The following ITGAE variants were observed in gnomAD, a reference collection of about 807,000 sequenced individuals.
The protein encoded by ITGAE is integrin subunit alpha E.
In ITGAE, 99 loss-of-function variants were observed where a neutral mutation model predicts 136.5. The observed-to-expected ratio is 0.73, with a 90% CI of 0.62 to 0.86. ITGAE has a LOEUF of 0.86. Among genes scored for constraint, ITGAE ranks in the 40% least tolerant of loss-of-function variants. The pLI, the probability that ITGAE is intolerant of heterozygous loss-of-function variation, is 0.00. For missense variants in ITGAE, 1,447 were observed against 1,515.3 expected, an observed-to-expected ratio of 0.95 and a Z score of 0.75; for synonymous variants, 613 against 591.8, an observed-to-expected ratio of 1.04 and a Z score of -0.52.
rs191902352 is a variant in ITGAE at position 3,748,757 on chromosome 17, A to C, written c.2025-705T>G. 4.0e-3 allele frequency among the ~76,000 whole-genome samples: 603 copies of C among 152,346 alleles called. 7 individuals are homozygous for C. Among genetic ancestry groups the C allele is most frequent in the African/African-American group, 0.014 (562 of 41,576 alleles). On this transcript the variant is annotated intron_variant, in intron 16 of 30. Transcript: ENST00000263087. ...CCAGGAAGAAAGCACAGCCAGTGCC[A>C]AGGGCCTGTGGCAGGAACACTTTTG...
At chr17:3,745,081 G>T (rs556722986) in intron 18 of ITGAE, among the ~76,000 whole-genome samples, 1 of 152,082 alleles carries the variant, frequency 6.6e-6, no homozygotes, top group South Asian at 2.1e-4. Flanking sequence ...TTTGAGTCCC[G>T]ACATACTTTT....
At position 3,723,716 on chromosome 17, in the gene ITGAE, T is replaced by C. The variant is rs776856313; in HGVS notation, c.3113A>G (p.Glu1038Gly). Residue 1038 changes from glutamate (E) to glycine (G), a missense_variant, in exon 27 of 31, where the codon GAG becomes GGG. By Grantham distance (98) the Glu-to-Gly change is moderately conservative. Around this residue, in one of 3 missense-constraint regions of ITGAE, gnomAD observed 1,031 missense variants for 1,011.4 expected, o/e 1.02. Coordinates refer to ENST00000263087, the MANE Select transcript of ITGAE (RefSeq NM_002208.5). Reference sequence around the variant, plus strand: ...AACCGAACTGTACGCACAAGCGCGCTCCTGACTCCAGGTGCACACCGTGGA... The same window carrying C: ...AACCGAACTGTACGCACAAGCGCGCCCCTGACTCCAGGTGCACACCGTGGA... ...QASTVCTWSQ[E>G]RACAYSSVQH... The C allele has an allele frequency of 8.7e-6, 14 of 1,605,064 alleles. No individual in the cohort carries two copies. The highest frequency in any genetic ancestry group is 1.7e-6 in the Non-Finnish European group (2 of 1,175,856).
chr17:3,788,188 C>T (rs2052844135), intron 1 of ITGAE, among the ~76,000 whole-genome samples: 1 of 148,452 alleles, frequency 6.7e-6, no homozygotes. Context: ...TTTGCCTTTT[C>T]ACTCACTTAC....
Position 3,750,385 on chromosome 17 carries a change from G to A in ITGAE, c.1991C>T (p.Thr664Ile). The A allele has an allele frequency of 6.2e-7, 1 of 1,614,192 alleles. No homozygotes were observed. The highest frequency in any genetic ancestry group is 1.3e-5 in the African/African-American group (1 of 75,068). The change falls in exon 16 of 31, where the codon ACC becomes ATC. Residue 664 changes from threonine to isoleucine, a missense_variant. Around this residue, in one of 3 missense-constraint regions of ITGAE, gnomAD observed 1,031 missense variants for 1,011.4 expected, o/e 1.02. Transcript: ENST00000263087. ...AACCGCCTGGCCCAGAGTGCCCACG[G>A]TGATGTCGGCAAGGCCGTCGCCACT... The part of the protein sequence containing the change: ...DISGDGLADI[T>I]VGTLGQAVVF...
intron 8 of ITGAE, among the ~76,000 whole-genome samples, chr17:3,758,501 G>A (rs2052083278): frequency 6.6e-6 from 1 of 151,858 alleles, no homozygotes; most frequent in African/African-American, 2.4e-5. Flanking sequence ...ACCCAGGCTG[G>A]AGTGCAATAG....
At chr17:3,758,078 GAAGGT>G in intron 8 of ITGAE, among the ~76,000 whole-genome samples, 1 of 152,312 alleles carries the variant, frequency 6.6e-6, no homozygotes, top group African/African-American at 2.4e-5. Flanking sequence ...CTCCCAGCAG[GAAGGT>G]ACTGCCTGGC....
At chr17:3,736,922 G>A (rs1343689334) in intron 20 of ITGAE, among the ~76,000 whole-genome samples, 1 of 152,128 alleles carries the variant, frequency 6.6e-6, no homozygotes, top group Non-Finnish European at 1.5e-5. Flanking sequence ...AGGCTGGATT[G>A]ACTGGAGGGA....
chr17:3,742,803 C>T (rs2051617747), intron 19 of ITGAE, among the ~76,000 whole-genome samples: 1 of 152,196 alleles, frequency 6.6e-6, no homozygotes, highest in African/African-American at 2.4e-5. Context: ...AGGCCCATGC[C>T]ACCACACCCG....
Position 3,757,040 on chromosome 17 carries a change from TA to T in ITGAE, c.1114del (p.Tyr372ThrfsTer8). On this transcript the variant is annotated frameshift_variant, in exon 10 of 31. Coordinates refer to ENST00000263087, the MANE Select transcript of ITGAE (RefSeq NM_002208.5). LOFTEE classifies it high-confidence loss of function. ...DETHAFKVTN[Y>X]MALDGLLSKL... ...GCTCAGCAGCCCATCCAGCGCCATG[TA>T]GTTGGTCACCTTGAAAGCATGGGTC... 2 of 1,614,226 alleles carry T rather than the reference TA, an allele frequency of 1.2e-6. No homozygotes were observed. Among genetic ancestry groups the T allele is most frequent in the South Asian group, 2.2e-5 (2 of 91,090 alleles).
At chr17:3,748,073 G>T (rs747011595) in intron 16 of ITGAE, 21 bp from the exon 17 acceptor site, 1 of 1,602,822 alleles carries the variant, frequency 6.2e-7, no homozygotes, top group East Asian at 2.3e-5. Flanking sequence ...CAGCAAAGAG[G>T]ATGGGAGAAG....
chr17:3,715,521 C>A (rs2737126), intron 30 of ITGAE, among the ~76,000 whole-genome samples: 7 of 151,780 alleles, frequency 4.6e-5, no homozygotes, highest in Non-Finnish European at 1.0e-4. Flanking sequence ...CCTACGCGTA[C>A]GCAGAGGCAC....
intron 1 of ITGAE, among the ~76,000 whole-genome samples, chr17:3,791,109 C>T (rs755640792): frequency 1.1e-4 from 16 of 144,962 alleles, no homozygotes; most frequent in African/African-American, 3.3e-4. Context: ...GAGCAGAGAT[C>T]GCGCCACTGC....
At chr17:3,771,356 G>A (rs1408162564) in intron 2 of ITGAE, among the ~76,000 whole-genome samples, 3 of 152,084 alleles carry the variant, frequency 2.0e-5, no homozygotes, top group South Asian at 2.1e-4. Context: ...GCTAATCCAC[G>A]GAGATGAAAG....
intron 2 of ITGAE, among the ~76,000 whole-genome samples, chr17:3,772,497 A>T (rs561015241): frequency 0.12 from 17,570 of 144,158 alleles, 1,602 homozygotes; most frequent in African/African-American, 0.22. Context: ...ACGGAGTCTC[A>T]CTGTCGCCCA....
rs1479379921 is a variant in ITGAE at position 3,755,125 on chromosome 17, CT to C, written c.1375del (p.Ser459AlafsTer108). 1.3e-6 allele frequency: 2 copies of C among 1,588,598 alleles called. No individual in the cohort carries two copies. Among genetic ancestry groups the C allele is most frequent in the Non-Finnish European group, 1.7e-6 (2 of 1,171,080 alleles). ...AAADAEAAQYSYLGYAVAVLH... is the reference protein window; with the variant it reads ...AAADAEAAQYXYLGYAVAVLH... ...GGTGGCCCCGCCCTCACCCAGGTAG[CT>C]GTACTGCGCAGCCTCCGCGTCTGCC... On this transcript the variant is annotated frameshift_variant, in exon 12 of 31. Coordinates refer to ENST00000263087, the MANE Select transcript of ITGAE (RefSeq NM_002208.5). LOFTEE classifies it high-confidence loss of function.
intron 2 of ITGAE, among the ~76,000 whole-genome samples, chr17:3,773,020 C>G (rs1308908767): frequency 1.3e-5 from 2 of 152,164 alleles, no homozygotes; most frequent in African/African-American, 4.8e-5. Flanking sequence ...GTCGAGGTCT[C>G]AGTCCCACAA....
At position 3,757,147 on chromosome 17, in the gene ITGAE, C is replaced by T. The variant is rs749106603; in HGVS notation, c.1021-13G>A. The T allele has an allele frequency of 3.1e-6, 5 of 1,612,828 alleles. No homozygotes were observed. The East Asian group carries it at 1.1e-4, about 36-fold the overall frequency. On this transcript the variant is annotated splice_polypyrimidine_tract_variant and intron_variant, in intron 9 of 30. Coordinates refer to ENST00000263087, the MANE Select transcript of ITGAE (RefSeq NM_002208.5). ...ATTCTTCTCCCACCTGCACAGACAG[C>T]CTGGGTCAGCGAGTCAGCGCTGCGT...
chr17:3,773,115 G>C (rs981162168), intron 2 of ITGAE, among the ~76,000 whole-genome samples: 1 of 152,164 alleles, frequency 6.6e-6, no homozygotes. Flanking sequence ...CAGGGTTTCT[G>C]GGACCCTTTC....
intron 18 of ITGAE, among the ~76,000 whole-genome samples, chr17:3,744,897 G>A (rs546830045): frequency 5.9e-5 from 9 of 152,210 alleles, no homozygotes; most frequent in Non-Finnish European, 1.0e-4. Flanking sequence ...GGGAGAAAGT[G>A]AGCATGATTC....
Sources: allele counts gnomAD v4.1 joint callset (sites outside exome capture counted in the v4.1 genomes callset), GRCh38; gene constraint gnomAD v4.1.1; regional missense constraint gnomAD v4.1.1; transcripts MANE v1.5; gene names NCBI Gene and HGNC (gene_info 2026-07-23, HGNC 2026-07-21).